CACNA1C: variants seen among roughly 807,000 people sequenced by gnomAD.
CACNA1C encodes the protein voltage-dependent L-type calcium channel subunit alpha-1C.
In CACNA1C, 30 loss-of-function variants were observed where a neutral mutation model predicts 229.0. That is an observed-to-expected ratio of 0.13 (90% CI 0.10 to 0.18). The LOEUF is 0.18. CACNA1C is among the 10% of genes least tolerant of loss of function. The probability of loss-of-function intolerance (pLI) is 1.00; values close to 1 mark genes in which losing one functional copy is unlikely to be tolerated. For missense variants in CACNA1C, 1,658 were observed against 2,845.0 expected, an observed-to-expected ratio of 0.58 and a Z score of 9.49; for synonymous variants, 1,114 against 1,132.5, an observed-to-expected ratio of 0.98 and a Z score of 0.33.
At chr12:2,438,622 G>T (rs1456813651) in intron 3 of CACNA1C, among the ~76,000 whole-genome samples, 7 of 152,022 alleles carry the variant, frequency 4.6e-5, no homozygotes. Flanking sequence ...CTGGAGCACA[G>T]AATGTGGCTG....
chr12:2,655,740 A>AGAT (rs2095385011), intron 34 of CACNA1C, among the ~76,000 whole-genome samples: 1 of 152,260 alleles, frequency 6.6e-6, no homozygotes, highest in Admixed American at 6.5e-5. Flanking sequence ...TACATGAGAA[A>AGAT]GATGATACAT....
intron 3 of CACNA1C, among the ~76,000 whole-genome samples, chr12:2,438,923 C>T (rs184193711): frequency 9.2e-5 from 14 of 152,240 alleles, no homozygotes; most frequent in African/African-American, 2.4e-4. Flanking sequence ...GCCACTGCTG[C>T]ACTTTTTCCC....
At chr12:2,327,822 A>G (rs1402266801) in intron 3 of CACNA1C, among the ~76,000 whole-genome samples, 2 of 152,238 alleles carry the variant, frequency 1.3e-5, no homozygotes, top group Non-Finnish European at 2.9e-5. Flanking sequence ...ATGGTGTCAG[A>G]GGAAAAATCG....
chr12:2,104,423 A>G (rs929333281), intron 1 of CACNA1C, among the ~76,000 whole-genome samples: 1 of 152,212 alleles, frequency 6.6e-6, no homozygotes, highest in Non-Finnish European at 1.5e-5. Flanking sequence ...TTGATTTTGT[A>G]TCCTGAGACT....
intron 11 of CACNA1C, among the ~76,000 whole-genome samples, chr12:2,558,316 G>A (rs1055889573): frequency 2.0e-5 from 3 of 152,148 alleles, no homozygotes; most frequent in African/African-American, 7.2e-5. Flanking sequence ...TACCTGCTGA[G>A]GTCCATCTGG....
chr12:2,014,331 T>C (rs2044956868), intron 1 of CACNA1C, among the ~76,000 whole-genome samples: 1 of 152,158 alleles, frequency 6.6e-6, no homozygotes, highest in Non-Finnish European at 1.5e-5. Context: ...AGAGTTCTTA[T>C]AATAAGCATA....
chr12:2,542,404 G>A (rs2099872829), intron 9 of CACNA1C, among the ~76,000 whole-genome samples: 1 of 152,202 alleles, frequency 6.6e-6, no homozygotes, highest in South Asian at 2.1e-4. Flanking sequence ...TTTACAGAGA[G>A]CTCACTTCCT....
chr12:1,975,788 G>T (rs901150903), intron 1 of CACNA1C, among the ~76,000 whole-genome samples: 1 of 152,138 alleles, frequency 6.6e-6, no homozygotes, highest in Non-Finnish European at 1.5e-5. Context: ...TGCCACATGG[G>T]TTTTTCCTCA....
intron 3 of CACNA1C, among the ~76,000 whole-genome samples, chr12:2,247,781 G>A (rs147577525): frequency 2.7e-4 from 41 of 152,220 alleles, no homozygotes; most frequent in Middle Eastern, 3.4e-3. Context: ...TTCATTCTCT[G>A]TCACCTCCAC....
Position 2,591,960 on chromosome 12 carries a change from C to T in CACNA1C, c.2531-1253C>T, listed in dbSNP as rs553396559. ...TAAGTGTGTTTTTGTGTCTCTGTGC[C>T]TGTCTTGATGAGGATAACAGTCATT... On this transcript the variant is annotated intron_variant, in intron 18 of 46. Transcript: ENST00000399655. Among the ~76,000 whole-genome samples the T allele has an allele frequency of 1.0e-3, 156 of 152,264 alleles. 3 individuals are homozygous for T. The South Asian group carries it at 0.013, about 13-fold the overall frequency.
intron 1 of CACNA1C, among the ~76,000 whole-genome samples, chr12:2,025,803 T>C (rs1174996825): frequency 2.0e-5 from 3 of 152,246 alleles, no homozygotes; most frequent in African/African-American, 4.8e-5. Flanking sequence ...TCACATATTT[T>C]TGTCCTCTTC....
In CACNA1C at chr12:2,318,903, G is replaced by GAGAGAAGGAGAGGGAGGAGAGC. The variant is rs1396257008; in HGVS notation, c.478-130070_478-130049dup. Among the ~76,000 whole-genome samples the GAGAGAAGGAGAGGGAGGAGAGC allele has an allele frequency of 5.5e-3, 829 of 150,192 alleles. 10 individuals are homozygous for GAGAGAAGGAGAGGGAGGAGAGC. The highest frequency in any genetic ancestry group is 0.02 in the African/African-American group (791 of 39,776). Reference sequence around the variant, plus strand: ...AGGGTTGGATAGAAGAGAATGGAGAGAGAGAAGGAGAGGGAGGAGAGCAGG... The same window carrying GAGAGAAGGAGAGGGAGGAGAGC: ...AGGGTTGGATAGAAGAGAATGGAGAGAGAGAAGGAGAGGGAGGAGAGCAGAGAAGGAGAGGGAGGAGAGCAGG... On this transcript the variant is annotated intron_variant, in intron 3 of 46. Transcript: ENST00000399655.
At chr12:2,290,881 G>A (rs893355584) in intron 3 of CACNA1C, among the ~76,000 whole-genome samples, 6 of 152,198 alleles carry the variant, frequency 3.9e-5, no homozygotes, top group African/African-American at 1.4e-4. Flanking sequence ...TGGGGACCTA[G>A]GGATGCTGTC....
chr12:2,641,954 G>A (rs1178319349), intron 30 of CACNA1C, among the ~76,000 whole-genome samples: 1 of 152,098 alleles, frequency 6.6e-6, no homozygotes, highest in Non-Finnish European at 1.5e-5. Context: ...GAGGCCGAAT[G>A]CCCCGGATCT....
chr12:2,089,171 A>G (rs1324165089), intron 1 of CACNA1C, among the ~76,000 whole-genome samples: 2 of 152,142 alleles, frequency 1.3e-5, no homozygotes, highest in Non-Finnish European at 2.9e-5. Context: ...GTGACATTGC[A>G]TGAGTGTATA....
chr12:2,074,075 T>C (rs1394180378), intron 1 of CACNA1C, among the ~76,000 whole-genome samples: 1 of 152,170 alleles, frequency 6.6e-6, no homozygotes, highest in Non-Finnish European at 1.5e-5. Context: ...TTGTATTTTA[T>C]ACAGCAAGTT....
intron 29 of CACNA1C, chr12:2,613,983 C>T (rs2079146317): frequency 6.6e-6 from 1 of 152,242 alleles, no homozygotes; most frequent in Admixed American, 6.5e-5. Context: ...ATGTCTGAGG[C>T]AGTCTGGAGA....
chr12:2,246,958 G>T (rs1452462173), intron 3 of CACNA1C, among the ~76,000 whole-genome samples: 1 of 152,126 alleles, frequency 6.6e-6, no homozygotes, highest in African/African-American at 2.4e-5. Context: ...CTTCCCCCAT[G>T]CACACACATG....
intron 3 of CACNA1C, among the ~76,000 whole-genome samples, chr12:2,157,955 A>G (rs951941341): frequency 1.3e-5 from 2 of 152,240 alleles, no homozygotes; most frequent in Non-Finnish European, 2.9e-5. Flanking sequence ...GTGATGACTG[A>G]GTGCTATGAA....
Sources: gnomAD v4.1 joint callset for allele counts (sites outside exome capture counted in the v4.1 genomes callset) on GRCh38, gnomAD v4.1.1 for gene constraint, MANE v1.5 for transcripts, NCBI Gene and HGNC (gene_info 2026-07-23, HGNC 2026-07-21) for gene names.